ARHGEF33: variants seen among roughly 807,000 people sequenced by gnomAD.
The protein encoded by ARHGEF33 is Rho guanine nucleotide exchange factor 33, also known as DH and coiled-coil domain-containing protein ENSP00000381780.
ARHGEF33 carries 72 observed loss-of-function variants against 101.9 expected under a neutral mutation model. The observed-to-expected ratio is 0.71, with a 90% CI of 0.58 to 0.86. The LOEUF is 0.86. ARHGEF33 is among the 40% of genes least tolerant of loss of function. The pLI, the probability that ARHGEF33 is intolerant of heterozygous loss-of-function variation, is 0.00. For synonymous variants in ARHGEF33, 499 were observed against 442.5 expected (o/e 1.13, Z -1.60); for missense variants, 1,169 against 1,111.3 (o/e 1.05, Z -0.74).
At position 38,937,245 on chromosome 2, in the gene ARHGEF33, C is replaced by T. The variant is rs923250352; in HGVS notation, c.566-90C>T. ...TCCTGACTTCGTGATCCGCCTGCCT[C>T]GGCCTCCGAAAGTGGTAACAAACAT... On this transcript the variant is annotated intron_variant, in intron 8 of 17. Transcript: ENST00000409978. The T allele has an allele frequency of 3.4e-5, 23 of 667,130 alleles. No homozygotes were observed. The East Asian group carries it at 3.6e-4, about 10-fold the overall frequency. 41.3% of individuals were successfully genotyped at this position (667,130 alleles called of 1,614,324 possible).
intron 2 of ARHGEF33, among the ~76,000 whole-genome samples, chr2:38,906,514 G>A (rs1423986570): frequency 6.6e-6 from 1 of 152,130 alleles, no homozygotes; most frequent in African/African-American, 2.4e-5. Flanking sequence ...GGTTCAGTAT[G>A]CCTTAGCTCT....
chr2:38,960,585 CA>C lies in ARHGEF33; in HGVS notation c.2281del (p.Arg761GlyfsTer19). ...CCGCCGTCGCCGCCCGCGGCGCATC[CA>C]GGACCTTCTTCCCCCAACAGAGGTC... Reference protein sequence around the residue: ...AAAVAARGASRTFFPQQRSQS... With the variant: ...AAAVAARGASXTFFPQQRSQS... On this transcript the variant is annotated frameshift_variant, in exon 16 of 18. Coordinates refer to ENST00000409978, the MANE Select transcript of ARHGEF33 (RefSeq NM_001145451.5). LOFTEE classifies it high-confidence loss of function. The C allele has an allele frequency of 7.2e-7, 1 of 1,383,068 alleles. No homozygotes were observed. The highest frequency in any genetic ancestry group is 9.5e-7 in the Non-Finnish European group (1 of 1,051,864). The allele number at this position is 1,383,068 out of a possible 1,614,324, so 85.7% of individuals were successfully genotyped here.
intron 8 of ARHGEF33, among the ~76,000 whole-genome samples, chr2:38,936,619 C>T (rs914522107): frequency 6.6e-5 from 10 of 152,134 alleles, no homozygotes; most frequent in Non-Finnish European, 1.5e-4. Context: ...CACTTTTAAT[C>T]CTTAATTGGT....
intron 10 of ARHGEF33, among the ~76,000 whole-genome samples, chr2:38,949,241 A>T (rs1667530563): frequency 6.6e-6 from 1 of 152,196 alleles, no homozygotes; most frequent in Non-Finnish European, 1.5e-5. Flanking sequence ...GTTTACTCTC[A>T]TTTGACCCTG....
intron 2 of ARHGEF33, among the ~76,000 whole-genome samples, chr2:38,914,994 A>T (rs1273726593): frequency 6.6e-6 from 1 of 152,070 alleles, no homozygotes; most frequent in Non-Finnish European, 1.5e-5. Context: ...TTATCTGTAC[A>T]ACAATAATGA....
chr2:38,953,894 G>A (rs1667675302), intron 12 of ARHGEF33, among the ~76,000 whole-genome samples: 2 of 152,170 alleles, frequency 1.3e-5, no homozygotes, highest in Non-Finnish European at 2.9e-5. Flanking sequence ...GAGAAGAGAA[G>A]GAAAAGGAAG....
intron 2 of ARHGEF33, among the ~76,000 whole-genome samples, chr2:38,896,704 A>G (rs1233404546): frequency 1.3e-5 from 2 of 152,216 alleles, no homozygotes; most frequent in Non-Finnish European, 2.9e-5. Context: ...ACTTAAGAAA[A>G]AAGTCTCATA....
intron 3 of ARHGEF33, 21 bp from the exon 4 acceptor site, chr2:38,921,353 C>T: frequency 6.7e-7 from 1 of 1,487,276 alleles, no homozygotes; most frequent in Non-Finnish European, 9.2e-7. Flanking sequence ...GTTGATTAAA[C>T]AAAGCTCTTT....
Position 38,889,886 on chromosome 2 carries a change from A to T in ARHGEF33, c.-259A>T. 2.1e-6 allele frequency: 1 copy of T among 470,980 alleles called. No individual in the cohort carries two copies. Among genetic ancestry groups the T allele is most frequent in the Admixed American group, 2.3e-5 (1 of 42,554 alleles). 29.2% of individuals were successfully genotyped at this position (470,980 alleles called of 1,614,324 possible). A position where few individuals can be genotyped will look rare whatever the true frequency, so the allele number is the denominator to read the frequency against. Reference sequence around the variant, plus strand: ...CATACTACGGTCTCGTTTCAGGGGAAGTCAAGCCTCTCTACTGCTTCTTTT... The same window carrying T: ...CATACTACGGTCTCGTTTCAGGGGATGTCAAGCCTCTCTACTGCTTCTTTT... On this transcript the variant is annotated 5_prime_UTR_variant, in exon 1 of 18. In the 5' UTR this introduces an upstream ATG that the reference lacks. Coordinates refer to ENST00000409978, the MANE Select transcript of ARHGEF33 (RefSeq NM_001145451.5).
At chr2:38,951,720 CAT>C (rs1558440442) in intron 11 of ARHGEF33, among the ~76,000 whole-genome samples, 3 of 151,126 alleles carry the variant, frequency 2.0e-5, no homozygotes, top group East Asian at 1.9e-4. Flanking sequence ...TATATACACA[CAT>C]GAGATATATA....
chr2:38,941,853 G>T (rs1303556971), intron 9 of ARHGEF33, among the ~76,000 whole-genome samples: 2 of 151,638 alleles, frequency 1.3e-5, no homozygotes, highest in African/African-American at 4.9e-5. Flanking sequence ...CCCGTTACCT[G>T]ATTTTTCTAT....
intron 13 of ARHGEF33, among the ~76,000 whole-genome samples, chr2:38,955,426 A>T (rs1264407256): frequency 6.8e-6 from 1 of 147,930 alleles, no homozygotes; most frequent in Admixed American, 6.8e-5. Context: ...CTTGGGATTA[A>T]TTTCAGGTAG....
At chr2:38,925,705 G>C (rs184868967) in intron 4 of ARHGEF33, among the ~76,000 whole-genome samples, 2 of 152,108 alleles carry the variant, frequency 1.3e-5, no homozygotes, top group Non-Finnish European at 2.9e-5. Flanking sequence ...AATTACCTTC[G>C]CCTCCTTGCC....
At chr2:38,915,268 AT>A (rs1476736142) in intron 2 of ARHGEF33, among the ~76,000 whole-genome samples, 2 of 152,184 alleles carry the variant, frequency 1.3e-5, no homozygotes, top group Non-Finnish European at 2.9e-5. Flanking sequence ...CAGAGAAAAA[AT>A]ATTAACAGGC....
At chr2:38,900,124 C>T (rs988670249) in intron 2 of ARHGEF33, among the ~76,000 whole-genome samples, 2 of 152,074 alleles carry the variant, frequency 1.3e-5, no homozygotes, top group Non-Finnish European at 2.9e-5. Context: ...CCCTGGAGAT[C>T]GAGGCTGCAG....
At chr2:38,965,049 GA>G (rs568844436) in intron 16 of ARHGEF33, among the ~76,000 whole-genome samples, 152 of 141,778 alleles carry the variant, frequency 1.1e-3, no homozygotes, top group Admixed American at 9.2e-4. Context: ...TATGTTTCCC[GA>G]AAAAAAAAAA....
intron 12 of ARHGEF33, among the ~76,000 whole-genome samples, chr2:38,953,903 A>C: frequency 6.6e-6 from 1 of 152,232 alleles, no homozygotes; most frequent in East Asian, 1.9e-4. Context: ...AGGAAAAGGA[A>C]GGGACACAGA....
chr2:38,911,221 C>T (rs1363620414), intron 2 of ARHGEF33, among the ~76,000 whole-genome samples: 1 of 152,170 alleles, frequency 6.6e-6, no homozygotes, highest in African/African-American at 2.4e-5. Context: ...TATAGACTCT[C>T]TTCTTGAAAA....
chr2:38,972,814 C>G (rs1531021), intron 17 of ARHGEF33, among the ~76,000 whole-genome samples: 120,291 of 152,096 alleles, frequency 0.79, 50,390 homozygotes, highest in Non-Finnish European at 0.92. Flanking sequence ...ATATGGAGAA[C>G]TTGGTCAGTT....
Sources: allele counts gnomAD v4.1 joint callset (sites outside exome capture counted in the v4.1 genomes callset), GRCh38; gene constraint gnomAD v4.1.1; transcripts MANE v1.5; gene names NCBI Gene and HGNC (gene_info 2026-07-23, HGNC 2026-07-21).